PTPRR: variants seen among roughly 807,000 people sequenced by gnomAD.
PTPRR encodes receptor-type tyrosine-protein phosphatase R.
Under a neutral mutation model 77.2 loss-of-function variants are expected in PTPRR, and 38 were observed. The ratio of observed to expected loss-of-function variants is 0.49; its 90% CI spans 0.38 to 0.65. PTPRR has a LOEUF of 0.65. Among genes scored for constraint, PTPRR ranks in the 30% least tolerant of loss-of-function variants. The pLI is 0.00. For synonymous variants in PTPRR, 299 were observed against 283.1 expected (o/e 1.06, Z -0.57); for missense variants, 744 against 799.2 (o/e 0.93, Z 0.83).
intron 2 of PTPRR, among the ~76,000 whole-genome samples, chr12:70,785,900 C>T (rs1891311540): frequency 6.6e-6 from 1 of 152,130 alleles, no homozygotes; most frequent in Non-Finnish European, 1.5e-5. Context: ...CAGAACTTTC[C>T]ACCTTCCACT....
chr12:70,796,706 T>TAA (rs11344346), intron 2 of PTPRR, among the ~76,000 whole-genome samples: 1 of 151,606 alleles, frequency 6.6e-6, no homozygotes, highest in African/African-American at 2.4e-5. Context: ...ATATGTATAT[T>TAA]AAAAAAAAAT....
rs1885895056 is a variant in PTPRR, at chr12:70,639,213, T to C, written c.1945A>G (p.Ser649Gly). 4 of 1,613,398 alleles carry C rather than the reference T, an allele frequency of 2.5e-6. No individual in the cohort carries two copies. Among genetic ancestry groups the C allele is most frequent in the Admixed American group, 3.3e-5 (2 of 59,990 alleles). The change falls in exon 14 of 14, where the codon AGC becomes GGC. Residue 649 changes from serine (S) to glycine (G), a missense_variant. Ser to Gly is a moderately conservative substitution (Grantham distance 56, BLOSUM62 0). This residue lies in a region of PTPRR where 170 missense variants were observed against 209.8 expected (regional missense o/e 0.81). Transcript: ENST00000283228. ...TGGACAGTCTCTGCTGAAAGTCTGC[T>C]CTCATACAGGCACAGAGCATGGTGC... ...FVHHALCLYE[S>G]RLSAETVQ is the part of the protein sequence containing the mutation.
At position 70,892,826 on chromosome 12, in the gene PTPRR, G is replaced by A. The variant is rs149684669; in HGVS notation, c.210C>T (p.Ser70=). 5,454 of 1,613,460 alleles carry A rather than the reference G, an allele frequency of 3.4e-3. 8 individuals are homozygous for A. The highest frequency in any genetic ancestry group is 4.0e-3 in the Non-Finnish European group (4,691 of 1,179,554). Residue 70 remains serine (S), a synonymous_variant, in exon 2 of 14, where the codon TCC becomes TCT. Coordinates refer to ENST00000283228, the MANE Select transcript of PTPRR (RefSeq NM_002849.4). ...GGTGGCGTTTGCTTACTTGAGCTTC[G>A]GAAGAGGAATGGTAGCTATGTCTGT... The part of the protein sequence containing the change: ...KIYRHSYHSS[S]EAQVSKRHQI...
intron 1 of PTPRR, among the ~76,000 whole-genome samples, chr12:70,902,137 A>G (rs902310110): frequency 6.6e-6 from 1 of 151,940 alleles, no homozygotes; most frequent in Non-Finnish European, 1.5e-5. Context: ...TCGTGCAAGA[A>G]TGGCCATAAT....
In PTPRR at chr12:70,698,245, T is replaced by C. The variant is rs762891070; in HGVS notation, c.1279+20A>G. 1.9e-6 allele frequency: 3 copies of C among 1,605,514 alleles called. No individual in the cohort carries two copies. Among genetic ancestry groups the C allele is most frequent in the Non-Finnish European group, 8.5e-7 (1 of 1,172,886 alleles). On this transcript the variant is annotated intron_variant, in intron 8 of 13. Transcript: ENST00000283228. The stretch of plus-strand genomic sequence containing the variant: ...CCCTTGCCCCCCATACAATGCAAAT[T>C]ATAAAATCAAGAAGCTTACTTGGTA...
intron 6 of PTPRR, among the ~76,000 whole-genome samples, chr12:70,713,448 T>G (rs1039370815): frequency 2.6e-5 from 4 of 152,180 alleles, no homozygotes; most frequent in African/African-American, 9.7e-5. Flanking sequence ...GTAACTACAT[T>G]TAACTTTTTG....
At chr12:70,822,115 G>A (rs1404479004) in intron 2 of PTPRR, among the ~76,000 whole-genome samples, 1 of 152,222 alleles carries the variant, frequency 6.6e-6, no homozygotes, top group African/African-American at 2.4e-5. Flanking sequence ...GAGCATCACT[G>A]TATACAAGGC....
chr12:70,744,358 C>T (rs1028464309), intron 6 of PTPRR, among the ~76,000 whole-genome samples: 10 of 152,078 alleles, frequency 6.6e-5, no homozygotes, highest in African/African-American at 2.2e-4. Context: ...GTGATATCTA[C>T]GTAAGTGAAT....
chr12:70,772,034 A>T (rs550793205), intron 2 of PTPRR, among the ~76,000 whole-genome samples: 14 of 152,296 alleles, frequency 9.2e-5, no homozygotes, highest in Middle Eastern at 3.4e-3. Flanking sequence ...TAATTATCAT[A>T]GTAGTAATAA....
chr12:70,866,189 C>T (rs1016087007), intron 2 of PTPRR, among the ~76,000 whole-genome samples: 4 of 150,378 alleles, frequency 2.7e-5, no homozygotes, highest in African/African-American at 4.9e-5. Context: ...AAAATCAGAG[C>T]AGAACTGAAG....
chr12:70,668,879 T>A (rs1056345934), intron 10 of PTPRR, among the ~76,000 whole-genome samples: 3 of 152,212 alleles, frequency 2.0e-5, no homozygotes, highest in African/African-American at 7.2e-5. Flanking sequence ...AATATTTATA[T>A]TTCCAAAAAA....
chr12:70,896,599 T>TA (rs1273817717), intron 1 of PTPRR, among the ~76,000 whole-genome samples: 1 of 151,674 alleles, frequency 6.6e-6, no homozygotes, highest in Non-Finnish European at 1.5e-5. Context: ...ATTTGGAAAT[T>TA]AAAAAAACAC....
intron 10 of PTPRR, among the ~76,000 whole-genome samples, chr12:70,666,935 GTTTTTTTTTTTTTTTTTTTTTTT>G (rs142691396): frequency 6.9e-5 from 2 of 29,050 alleles, no homozygotes; most frequent in African/African-American, 1.1e-4. Context: ...GTGTTTTTCT[GTTTTTTTTTTTTTTTTTTTTTTT>G]TTTTTTTTTT....
chr12:70,891,765 TA>T (rs962039253), intron 2 of PTPRR, among the ~76,000 whole-genome samples: 5 of 151,984 alleles, frequency 3.3e-5, no homozygotes, highest in Admixed American at 6.6e-5. Context: ...TGTAGTAGGT[TA>T]AAAAAATAAA....
At chr12:70,701,668 A>G (rs1888430409) in intron 6 of PTPRR, among the ~76,000 whole-genome samples, 1 of 152,182 alleles carries the variant, frequency 6.6e-6, no homozygotes, top group Non-Finnish European at 1.5e-5. Flanking sequence ...CTTCTGAGTG[A>G]ATCCCTAAAA....
chr12:70,720,021 C>A (rs1036469800), intron 6 of PTPRR, among the ~76,000 whole-genome samples: 3 of 152,240 alleles, frequency 2.0e-5, no homozygotes, highest in African/African-American at 7.2e-5. Flanking sequence ...GGGTGCAAGG[C>A]GCAACCATCG....
At chr12:70,840,133 T>C (rs920827329) in intron 2 of PTPRR, among the ~76,000 whole-genome samples, 1 of 152,162 alleles carries the variant, frequency 6.6e-6, no homozygotes, top group East Asian at 1.9e-4. Flanking sequence ...TGACACGGTC[T>C]TACTAGGCTA....
chr12:70,800,850 G>A (rs1004385671), intron 2 of PTPRR, among the ~76,000 whole-genome samples: 4 of 150,682 alleles, frequency 2.7e-5, no homozygotes, highest in African/African-American at 4.9e-5. Context: ...AGCTGAGATC[G>A]CACTATTGCA....
chr12:70,814,183 T>TC (rs1450522815), intron 2 of PTPRR, among the ~76,000 whole-genome samples: 1 of 152,180 alleles, frequency 6.6e-6, no homozygotes, highest in East Asian at 1.9e-4. Flanking sequence ...GAGAGAAAAC[T>TC]CTTTTTCTCC....
Sources: gnomAD v4.1 joint callset for allele counts (sites outside exome capture counted in the v4.1 genomes callset) on GRCh38, gnomAD v4.1.1 for gene constraint, gnomAD v4.1.1 regional missense constraint, MANE v1.5 for transcripts, NCBI Gene and HGNC (gene_info 2026-07-23, HGNC 2026-07-21) for gene names.